PDE5A: variants seen among roughly 807,000 people sequenced by gnomAD.
PDE5A encodes cGMP-specific 3',5'-cyclic phosphodiesterase.
Under a neutral mutation model 110.2 loss-of-function variants are expected in PDE5A, and 67 were observed. The observed-to-expected ratio is 0.61, with a 90% CI of 0.50 to 0.75. PDE5A has a LOEUF of 0.75. Among genes scored for constraint, PDE5A ranks in the 30% least tolerant of loss-of-function variants. PDE5A has a pLI of 0.00. For synonymous variants in PDE5A, 328 were observed against 351.2 expected (o/e 0.93, Z 0.74); for missense variants, 862 against 1,045.1 (o/e 0.82, Z 2.42).
intron 1 of PDE5A, among the ~76,000 whole-genome samples, chr4:119,621,560 T>C (rs550702555): frequency 1.3e-5 from 2 of 151,956 alleles, no homozygotes; most frequent in Admixed American, 1.3e-4. Flanking sequence ...AATGGATACA[T>C]GGACAGATAA....
chr4:119,595,540 C>G (rs747044514), intron 3 of PDE5A, among the ~76,000 whole-genome samples: 1 of 152,098 alleles, frequency 6.6e-6, no homozygotes, highest in African/African-American at 2.4e-5. Flanking sequence ...AGGGCCCAAA[C>G]AGAACAAAAA....
chr4:119,503,936 A>AACTT (rs995586290), intron 18 of PDE5A, among the ~76,000 whole-genome samples: 7 of 141,720 alleles, frequency 4.9e-5, no homozygotes, highest in Admixed American at 4.3e-4. Flanking sequence ...TAAGAGTAAA[A>AACTT]ACTTACTTAA....
At position 119,525,328 on chromosome 4, in the gene PDE5A, G is replaced by C. The variant is rs1726272473; in HGVS notation, c.1779+221C>G. Reference sequence around the variant, plus strand: ...CTATTTTTAGGAACACTCTCCCTTAGTCTTCACCCTGATACTTGATACATG... The same window carrying C: ...CTATTTTTAGGAACACTCTCCCTTACTCTTCACCCTGATACTTGATACATG... On this transcript the variant is annotated intron_variant, in intron 12 of 20. Transcript: ENST00000354960. The surrounding 1 kb of genome is among the most constrained non-coding windows in gnomAD (Gnocchi z 4.3). 6.6e-6 allele frequency among the ~76,000 whole-genome samples: 1 copy of C among 151,834 alleles called. No individual in the cohort carries two copies. Among genetic ancestry groups the C allele is most frequent in the African/African-American group, 2.4e-5 (1 of 41,342 alleles).
intron 4 of PDE5A, among the ~76,000 whole-genome samples, chr4:119,565,985 A>C (rs997400400): frequency 3.4e-5 from 5 of 149,194 alleles, no homozygotes; most frequent in African/African-American, 1.2e-4. Context: ...AATAATAATT[A>C]ATAGTATTAA....
At chr4:119,583,031 C>T (rs1321574169) in intron 3 of PDE5A, among the ~76,000 whole-genome samples, 4 of 152,186 alleles carry the variant, frequency 2.6e-5, no homozygotes, top group Non-Finnish European at 4.4e-5. Context: ...ACATCAGAGT[C>T]GGCCTATCCT....
At position 119,578,216 on chromosome 4, in the gene PDE5A, T is replaced by C. The variant is rs552496126; in HGVS notation, c.832-11072A>G. Among the ~76,000 whole-genome samples, 181 of 152,164 alleles carry C rather than the reference T, an allele frequency of 1.2e-3. 2 individuals carry two copies. Among genetic ancestry groups the C allele is most frequent in the African/African-American group, 4.2e-3 (174 of 41,502 alleles). On this transcript the variant is annotated intron_variant, in intron 3 of 20. Coordinates refer to ENST00000354960, the MANE Select transcript of PDE5A (RefSeq NM_001083.4). ...CACAAACAAATGGAAGAACATTCCA[T>C]GCTCATGGGTAGGAAGAATCAGTAT...
intron 3 of PDE5A, among the ~76,000 whole-genome samples, chr4:119,590,212 T>C (rs1345057349): frequency 6.6e-6 from 1 of 152,214 alleles, no homozygotes; most frequent in African/African-American, 2.4e-5. Flanking sequence ...CTTATGGTTG[T>C]CATGAAGATT....
intron 1 of PDE5A, chr4:119,628,042 T>C (rs1359237418): frequency 1.0e-6 from 1 of 985,886 alleles, no homozygotes; most frequent in Non-Finnish European, 1.2e-6. Flanking sequence ...CGTGGACTCG[T>C]CCCTCACCCC....
At chr4:119,569,554 T>G (rs1728070508) in intron 3 of PDE5A, 1 of 150,834 alleles carries the variant, frequency 6.6e-6, no homozygotes, top group Non-Finnish European at 1.5e-5. Context: ...CAGGAAAATA[T>G]AGTTGGTCCT....
At chr4:119,547,845 T>C (rs1466386592) in intron 9 of PDE5A, among the ~76,000 whole-genome samples, 3 of 152,054 alleles carry the variant, frequency 2.0e-5, no homozygotes, top group Non-Finnish European at 4.4e-5. Flanking sequence ...TTATGTTGCA[T>C]ATCACCAATA....
chr4:119,534,055 A>G (rs1229889059), intron 11 of PDE5A, among the ~76,000 whole-genome samples: 1 of 152,190 alleles, frequency 6.6e-6, no homozygotes, highest in African/African-American at 2.4e-5. Flanking sequence ...TGTCACATGA[A>G]GGCAGAAAGA....
In PDE5A at chr4:119,539,032, A is replaced by G; in HGVS notation, c.1573-13T>C. ...GATACGACAGAACCTACAGGGTAGG[A>G]AAAGAAGTCCAGGTTACACAGGAGA... is the stretch of plus-strand genomic sequence containing the variant. On this transcript the variant is annotated splice_polypyrimidine_tract_variant and intron_variant, in intron 10 of 20. Transcript: ENST00000354960. 1.2e-6 allele frequency: 2 copies of G among 1,608,212 alleles called. No homozygotes were observed. The highest frequency in any genetic ancestry group is 1.7e-6 in the Non-Finnish European group (2 of 1,174,844).
intron 3 of PDE5A, among the ~76,000 whole-genome samples, chr4:119,578,323 A>T (rs1432920375): frequency 3.9e-5 from 6 of 152,192 alleles, no homozygotes; most frequent in Non-Finnish European, 7.3e-5. Context: ...TCTTCACAGA[A>T]TTGGAAAAAA....
In PDE5A at chr4:119,560,346, C is replaced by T. The variant is rs1727705275; in HGVS notation, c.1149G>A (p.Val383=). The change falls in exon 7 of 21, where the codon GTG becomes GTA. Residue 383 remains valine (V), a synonymous_variant. Coordinates refer to ENST00000354960, the MANE Select transcript of PDE5A (RefSeq NM_001083.4). ...CTAATTCCTCACACTCCATGTGAAA[C>T]ACACTAGAAAAAGAATCCTAAAAAC... is the stretch of plus-strand genomic sequence containing the variant. ...DEDCSDSFSS[V]FHMECEELEK... The T allele has an allele frequency of 1.3e-6, 2 of 1,585,142 alleles. No homozygotes were observed. Among genetic ancestry groups the T allele is most frequent in the East Asian group, 2.3e-5 (1 of 43,970 alleles).
At chr4:119,597,972 G>A (rs17051261) in intron 2 of PDE5A, among the ~76,000 whole-genome samples, 2,581 of 152,110 alleles carry the variant, frequency 0.017, 69 homozygotes, top group African/African-American at 0.059. Flanking sequence ...GAGATGCAGA[G>A]AAAAACTTTA....
intron 7 of PDE5A, among the ~76,000 whole-genome samples, chr4:119,557,646 G>T (rs1330726935): frequency 6.6e-6 from 1 of 152,118 alleles, no homozygotes; most frequent in African/African-American, 2.4e-5. Context: ...GAAATTTTCT[G>T]AAGCATTTTA....
chr4:119,553,782 G>A (rs1371531015), intron 7 of PDE5A, 36 bp from the exon 8 acceptor site: 1 of 1,078,400 alleles, frequency 9.3e-7, no homozygotes, highest in South Asian at 1.3e-5. Flanking sequence ...CCTCTGTGCA[G>A]TTAAAAAAAA....
intron 2 of PDE5A, among the ~76,000 whole-genome samples, chr4:119,606,243 T>C (rs767599977): frequency 3.7e-4 from 56 of 152,258 alleles, no homozygotes; most frequent in Non-Finnish European, 7.4e-4. Context: ...AACCAGACTT[T>C]GGTATCAATG....
At chr4:119,591,718 G>C (rs912631449) in intron 3 of PDE5A, among the ~76,000 whole-genome samples, 2 of 152,270 alleles carry the variant, frequency 1.3e-5, no homozygotes, top group Middle Eastern at 3.4e-3. Context: ...TAGTGTGTCT[G>C]TTCTGTCTCT....
Sources: allele counts gnomAD v4.1 joint callset (sites outside exome capture counted in the v4.1 genomes callset), GRCh38; gene constraint gnomAD v4.1.1; non-coding constraint Gnocchi (gnomAD v3.1); transcripts MANE v1.5; gene names NCBI Gene and HGNC (gene_info 2026-07-23, HGNC 2026-07-21).